Variants in VTI1A observed in about 807,000 individuals in gnomAD.
The protein encoded by VTI1A is vesicle transport through interaction with t-SNAREs homolog 1A.
VTI1A carries 22 observed loss-of-function variants against 34.9 expected under a neutral mutation model. That is an observed-to-expected ratio of 0.63 (90% CI 0.45 to 0.90). The LOEUF is 0.90. Among genes scored for constraint, VTI1A ranks in the 40% least tolerant of loss-of-function variants. VTI1A has a pLI of 0.00. For missense variants in VTI1A, 268 were observed against 275.6 expected, an observed-to-expected ratio of 0.97 and a Z score of 0.20; for synonymous variants, 87 against 97.3, an observed-to-expected ratio of 0.89 and a Z score of 0.62.
At chr10:112,840,252 T>C in the VTI1A span, among the ~76,000 whole-genome samples, 50 of 152,294 alleles carry the variant, frequency 3.3e-4, no homozygotes, top group African/African-American at 1.1e-3. Context: ...ACAGCTTCCC[T>C]AATTTTTGTC....
chr10:112,663,771 G>A (rs780885110), intron 5 of VTI1A, among the ~76,000 whole-genome samples: 1 of 152,164 alleles, frequency 6.6e-6, no homozygotes, highest in Non-Finnish European at 1.5e-5. Flanking sequence ...TCTGCTTCCT[G>A]AAGCAGCACG....
At chr10:112,835,334 A>C in the VTI1A span, among the ~76,000 whole-genome samples, 1 of 152,212 alleles carries the variant, frequency 6.6e-6, no homozygotes, top group Non-Finnish European at 1.5e-5. Flanking sequence ...CAGTTCTGAA[A>C]AGAGAATTAA....
chr10:112,841,406 G>A, the VTI1A span, among the ~76,000 whole-genome samples: 1 of 152,192 alleles, frequency 6.6e-6, no homozygotes, highest in Non-Finnish European at 1.5e-5. Flanking sequence ...TATTTTAATA[G>A]GAGGCAAAGC....
intron 5 of VTI1A, among the ~76,000 whole-genome samples, chr10:112,553,293 T>C (rs1851430149): frequency 6.6e-6 from 1 of 152,256 alleles, no homozygotes; most frequent in Non-Finnish European, 1.5e-5. Context: ...TGCCACTTAA[T>C]AACTGTAAGA....
chr10:112,726,463 A>G lies in VTI1A; in HGVS notation c.560+57465A>G, dbSNP rs912786588. Among the ~76,000 whole-genome samples the G allele has an allele frequency of 2.7e-4, 41 of 152,178 alleles. 1 individual carries two copies. Among genetic ancestry groups the G allele is most frequent in the Non-Finnish European group, 7.4e-5 (5 of 68,026 alleles). On this transcript the variant is annotated intron_variant, in intron 7 of 7. Transcript: ENST00000393077. ...ACCCAGAACAACCATGCTTTGAAAC[A>G]CCATGGAAACAGGCAGTCCTGGCCC...
chr10:112,548,700 T>G, intron 5 of VTI1A: 1 of 1,296,000 alleles, frequency 7.7e-7, no homozygotes, highest in Non-Finnish European at 1.1e-6. Flanking sequence ...TCCACTGCTT[T>G]GATGACACCC....
chr10:112,634,094 A>G (rs951862929), intron 5 of VTI1A: 2 of 152,750 alleles, frequency 1.3e-5, no homozygotes, highest in East Asian at 1.9e-4. Context: ...CTTTACTTTC[A>G]TTACTCAACC....
At chr10:112,547,161 T>A (rs189658425) in intron 5 of VTI1A, among the ~76,000 whole-genome samples, 3 of 152,136 alleles carry the variant, frequency 2.0e-5, no homozygotes, top group Non-Finnish European at 1.5e-5. Context: ...GTGCCTGTAG[T>A]CCCAGCTACT....
At chr10:112,596,391 T>G (rs540523231) in intron 5 of VTI1A, among the ~76,000 whole-genome samples, 1 of 152,306 alleles carries the variant, frequency 6.6e-6, no homozygotes, top group East Asian at 1.9e-4. Context: ...TTGAAAAACA[T>G]TAACGGCTGT....
intron 5 of VTI1A, among the ~76,000 whole-genome samples, chr10:112,583,133 T>C (rs1015487622): frequency 3.3e-5 from 5 of 152,208 alleles, no homozygotes; most frequent in Non-Finnish European, 5.9e-5. Flanking sequence ...TAAGCGATGA[T>C]CAAGAGCAGA....
chr10:112,491,646 T>C (rs553324373), intron 3 of VTI1A, among the ~76,000 whole-genome samples: 5 of 152,366 alleles, frequency 3.3e-5, no homozygotes, highest in African/African-American at 7.2e-5. Context: ...CAAAATGTAA[T>C]AAATATTAAA....
chr10:112,494,634 G>A (rs1001253704), intron 3 of VTI1A, among the ~76,000 whole-genome samples: 8 of 151,826 alleles, frequency 5.3e-5, no homozygotes, highest in Non-Finnish European at 1.0e-4. Context: ...TCAGCCTCCC[G>A]AGTAGCTGGG....
At chr10:112,501,887 A>G (rs955398827) in intron 3 of VTI1A, among the ~76,000 whole-genome samples, 5 of 152,004 alleles carry the variant, frequency 3.3e-5, no homozygotes, top group Admixed American at 1.3e-4. Context: ...ATTTACTTCA[A>G]TTTCTATGAT....
At chr10:112,594,819 T>A (rs1844555237) in intron 5 of VTI1A, among the ~76,000 whole-genome samples, 1 of 151,920 alleles carries the variant, frequency 6.6e-6, no homozygotes, top group Non-Finnish European at 1.5e-5. Context: ...ACTTTAAAGT[T>A]CATATGGAAC....
intron 5 of VTI1A, among the ~76,000 whole-genome samples, chr10:112,590,611 G>A (rs1010781403): frequency 2.0e-5 from 3 of 152,100 alleles, no homozygotes; most frequent in Admixed American, 2.0e-4. Context: ...GAGCCTAGGA[G>A]GTCGAGGCTA....
In VTI1A at chr10:112,597,786, C is replaced by T. The variant is rs375510199; in HGVS notation, c.427+59456C>T. Among the ~76,000 whole-genome samples, 55 of 150,772 alleles carry T rather than the reference C, an allele frequency of 3.6e-4. No homozygotes were observed. In the East Asian group the frequency reaches 9.5e-3, roughly 26 times the overall value. On this transcript the variant is annotated intron_variant, in intron 5 of 7. Coordinates refer to ENST00000393077, the MANE Select transcript of VTI1A (RefSeq NM_145206.4). ...GACCTCGGCTCACTGCAAGCTCCGC[C>T]TCCCGGGTTCACGCCATTCTCCTGC...
chr10:112,559,913 T>C (rs1262076720), intron 5 of VTI1A, among the ~76,000 whole-genome samples: 1 of 152,212 alleles, frequency 6.6e-6, no homozygotes, highest in Non-Finnish European at 1.5e-5. Flanking sequence ...TTCTATTCTT[T>C]ATAGTGCTGA....
At chr10:112,755,923 T>C (rs1851269285) in intron 7 of VTI1A, among the ~76,000 whole-genome samples, 1 of 152,166 alleles carries the variant, frequency 6.6e-6, no homozygotes, top group African/African-American at 2.4e-5. Flanking sequence ...ATGATCTGAT[T>C]GGCCCAAGTC....
chr10:112,654,458 A>G (rs1847150556), intron 5 of VTI1A, among the ~76,000 whole-genome samples: 1 of 152,074 alleles, frequency 6.6e-6, no homozygotes, highest in Non-Finnish European at 1.5e-5. Flanking sequence ...CTTTCAGAAT[A>G]TGCCCCACAG....
Sources: gnomAD v4.1 joint callset for allele counts (sites outside exome capture counted in the v4.1 genomes callset) on GRCh38, gnomAD v4.1.1 for gene constraint, MANE v1.5 for transcripts, NCBI Gene and HGNC (gene_info 2026-07-23, HGNC 2026-07-21) for gene names.